The following GULP1 variants were observed in gnomAD, a reference collection of about 807,000 sequenced individuals.
The protein encoded by GULP1 is GULP PTB domain containing engulfment adaptor 1.
In GULP1, 19 loss-of-function variants were observed where a neutral mutation model predicts 40.9. The observed-to-expected ratio is 0.46, with a 90% CI of 0.32 to 0.68. GULP1 has a LOEUF of 0.68. Ranked by LOEUF, GULP1 falls within the 30% of genes least tolerant of loss-of-function variation. The pLI is 0.03. For missense variants in GULP1, 312 were observed against 362.2 expected (o/e 0.86, Z 1.12); for synonymous variants, 119 against 117.6 (o/e 1.01, Z -0.08).
chr2:188,368,053 A>G (rs992250122), intron 1 of GULP1, among the ~76,000 whole-genome samples: 3 of 151,756 alleles, frequency 2.0e-5, no homozygotes, highest in African/African-American at 4.8e-5. Context: ...TCTTCTTTCA[A>G]TCTTCTCTTT....
chr2:188,434,561 T>G (rs1483613453), intron 2 of GULP1, among the ~76,000 whole-genome samples: 1 of 151,708 alleles, frequency 6.6e-6, no homozygotes, highest in Non-Finnish European at 1.5e-5. Context: ...ATTTGTGACA[T>G]CCTTTTGAAT....
At chr2:188,573,146 CA>C (rs762940690) in intron 9 of GULP1, among the ~76,000 whole-genome samples, 2 of 151,924 alleles carry the variant, frequency 1.3e-5, no homozygotes, top group Non-Finnish European at 2.9e-5. Context: ...GATATCTAAC[CA>C]ATTCAAATGG....
chr2:188,395,702 AAAGAC>A (rs765597777), intron 2 of GULP1, among the ~76,000 whole-genome samples: 3 of 152,096 alleles, frequency 2.0e-5, no homozygotes, highest in Non-Finnish European at 2.9e-5. Context: ...TAGTATCTCT[AAAGAC>A]AAGACTATAG....
chr2:188,397,775 C>T (rs187850104), intron 2 of GULP1, among the ~76,000 whole-genome samples: 6 of 152,310 alleles, frequency 3.9e-5, no homozygotes, highest in Non-Finnish European at 8.8e-5. Flanking sequence ...GAGGCCACTT[C>T]CAGATTCAGC....
chr2:188,346,362 A>T lies in GULP1; in HGVS notation c.-171-37401A>T, dbSNP rs371317764. Among the ~76,000 whole-genome samples, 8 of 152,342 alleles carry T rather than the reference A, an allele frequency of 5.3e-5. No individual in the cohort carries two copies. The East Asian group carries it at 9.6e-4, about 18-fold the overall frequency. The stretch of plus-strand genomic sequence containing the variant: ...AATGCCTCCAAATGCTTATTACAGT[A>T]GTTGTTTAGTGGCTTCTAGACTTAA... On this transcript the variant is annotated intron_variant, in intron 1 of 11. Transcript: ENST00000409830.
chr2:188,558,910 A>G (rs1695537769), intron 7 of GULP1, among the ~76,000 whole-genome samples: 1 of 152,180 alleles, frequency 6.6e-6, no homozygotes, highest in South Asian at 2.1e-4. Flanking sequence ...AGCATTCAAG[A>G]AGTGACTTGG....
intron 3 of GULP1, among the ~76,000 whole-genome samples, chr2:188,480,083 T>C (rs893442778): frequency 7.2e-5 from 11 of 152,224 alleles, no homozygotes; most frequent in Admixed American, 5.2e-4. Flanking sequence ...TATCATTTGG[T>C]GAAGTTGTTA....
intron 5 of GULP1, among the ~76,000 whole-genome samples, chr2:188,528,542 G>A (rs1460372035): frequency 6.6e-6 from 1 of 151,692 alleles, no homozygotes; most frequent in Non-Finnish European, 1.5e-5. Context: ...CACTATATTT[G>A]TAGTTCTAGA....
intron 2 of GULP1, among the ~76,000 whole-genome samples, chr2:188,400,955 G>A (rs1365725750): frequency 7.3e-6 from 1 of 136,550 alleles, no homozygotes; most frequent in African/African-American, 2.6e-5. Flanking sequence ...GTGTGTGTGT[G>A]TGTGTGTGTG....
chr2:188,339,990 AGT>A (rs1450698268), intron 1 of GULP1, among the ~76,000 whole-genome samples: 1 of 152,222 alleles, frequency 6.6e-6, no homozygotes, highest in African/African-American at 2.4e-5. Context: ...ACTTTGTGCA[AGT>A]GTCACTCAAT....
intron 2 of GULP1, among the ~76,000 whole-genome samples, chr2:188,458,887 C>A (rs894830704): frequency 1.3e-5 from 2 of 152,082 alleles, no homozygotes; most frequent in Admixed American, 1.3e-4. Context: ...CTACTCTCTA[C>A]CTCCATAGGT....
chr2:188,456,262 T>C (rs2059249571), intron 2 of GULP1, among the ~76,000 whole-genome samples: 1 of 152,128 alleles, frequency 6.6e-6, no homozygotes, highest in African/African-American at 2.4e-5. Flanking sequence ...GGGGAAAATG[T>C]CTCCAGGGCA....
intron 1 of GULP1, among the ~76,000 whole-genome samples, chr2:188,316,019 A>T (rs1412738389): frequency 6.6e-6 from 1 of 152,122 alleles, no homozygotes; most frequent in East Asian, 1.9e-4. Flanking sequence ...AGATAAAAAG[A>T]AATAGTTGTA....
At chr2:188,541,135 A>C in intron 6 of GULP1, 46 bp from the exon 7 acceptor site, 2 of 1,549,162 alleles carry the variant, frequency 1.3e-6, no homozygotes, top group Non-Finnish European at 1.8e-6. Flanking sequence ...TCAGAAAATG[A>C]AAAAAGAATC....
chr2:188,389,478 A>T (rs1236527083), intron 2 of GULP1, among the ~76,000 whole-genome samples: 1 of 152,202 alleles, frequency 6.6e-6, no homozygotes, highest in Non-Finnish European at 1.5e-5. Flanking sequence ...AGCAGTCACA[A>T]AAATGGATAT....
At chr2:188,521,410 T>C (rs753486736) in intron 4 of GULP1, among the ~76,000 whole-genome samples, 8 of 152,152 alleles carry the variant, frequency 5.3e-5, no homozygotes, top group Non-Finnish European at 1.2e-4. Context: ...CTCATACTGC[T>C]AATAAAGACA....
chr2:188,443,392 A>G (rs1559246986), intron 2 of GULP1, among the ~76,000 whole-genome samples: 1 of 152,174 alleles, frequency 6.6e-6, no homozygotes, highest in Non-Finnish European at 1.5e-5. Context: ...TCTGATCTAA[A>G]GCCACATCTA....
chr2:188,559,481 G>A (rs866317792), intron 7 of GULP1, among the ~76,000 whole-genome samples: 1 of 152,200 alleles, frequency 6.6e-6, no homozygotes, highest in Admixed American at 6.5e-5. Flanking sequence ...GTGCGGAAGG[G>A]AAATGTGGGG....
intron 5 of GULP1, 141 bp from the exon 6 acceptor site, chr2:188,528,956 T>A: frequency 1.9e-6 from 1 of 530,246 alleles, no homozygotes. Context: ...ATTGAGACTA[T>A]CTTTATAAAA....
Sources: gnomAD v4.1 joint callset for allele counts (sites outside exome capture counted in the v4.1 genomes callset) on GRCh38, gnomAD v4.1.1 for gene constraint, MANE v1.5 for transcripts, NCBI Gene and HGNC (gene_info 2026-07-23, HGNC 2026-07-21) for gene names.